Variants in AFDN observed in about 807,000 individuals in gnomAD.
AFDN encodes the protein afadin, adherens junction formation factor, also known as afadin.
AFDN carries 68 observed loss-of-function variants against 216.6 expected under a neutral mutation model. The ratio of observed to expected loss-of-function variants is 0.31; its 90% CI spans 0.26 to 0.38. The LOEUF is 0.38. AFDN is among the 10% of genes least tolerant of loss of function. The pLI is 1.00. For missense variants in AFDN, 2,136 were observed against 2,342.0 expected (o/e 0.91, Z 1.82); for synonymous variants, 868 against 853.7 (o/e 1.02, Z -0.29).
Position 167,827,025 on chromosome 6 carries a change from A to T in AFDN, c.-108A>T. The T allele has an allele frequency of 3.0e-6, 1 of 332,812 alleles. No homozygotes were observed. The highest frequency in any genetic ancestry group is 4.3e-6 in the Non-Finnish European group (1 of 235,146). 20.6% of individuals were successfully genotyped at this position (332,812 alleles called of 1,614,324 possible). On this transcript the variant is annotated 5_prime_UTR_variant, in exon 1 of 34. Transcript: ENST00000683244. The stretch of plus-strand genomic sequence containing the variant: ...GAGGCGGAGGCAGCCGCGGAGGCGG[A>T]GGCGGCCGGCGGGGGGTGGCGAGGG...
At chr6:167,909,264 TAAA>T (rs1425494422) in intron 13 of AFDN, among the ~76,000 whole-genome samples, 3 of 152,094 alleles carry the variant, frequency 2.0e-5, no homozygotes, top group Admixed American at 6.5e-5. Context: ...TATAATTTGA[TAAA>T]AAGAAGATTT....
In AFDN at chr6:167,918,812, G is replaced by C. The variant is rs770324614; in HGVS notation, c.2787G>C (p.Gln929His). 1 of 1,613,106 alleles carries C rather than the reference G, an allele frequency of 6.2e-7. No individual in the cohort carries two copies. Among genetic ancestry groups the C allele is most frequent in the Non-Finnish European group, 8.5e-7 (1 of 1,179,376 alleles). The stretch of plus-strand genomic sequence containing the variant: ...CCCGCAGTGATGGAAGGGAAGTGCA[G>C]TTGGAGGAGGATCCTGATCTGCAGC... ...ELARSDGREVQLEEDPDLQLP... is the reference protein window; with the variant it reads ...ELARSDGREVHLEEDPDLQLP... The change falls in exon 21 of 34, where the codon CAG becomes CAC. Residue 929 changes from glutamine (Q) to histidine (H), a missense_variant. By Grantham distance (24) the Gln-to-His change is conservative. Around this residue, in one of 8 missense-constraint regions of AFDN, gnomAD observed 162 missense variants for 182.6 expected, o/e 0.89. Transcript: ENST00000683244.
At position 167,962,870 on chromosome 6, in the gene AFDN, TTACTG is replaced by T. The variant is rs1797177873; in HGVS notation, c.4968+304_4968+308del. 6.6e-6 allele frequency: 8 copies of T among 1,209,136 alleles called. No individual in the cohort carries two copies. Among genetic ancestry groups the T allele is most frequent in the African/African-American group, 1.5e-5 (1 of 67,106 alleles). The allele number at this position is 1,209,136 out of a possible 1,614,324, so 74.9% of individuals were successfully genotyped here. On this transcript the variant is annotated intron_variant, in intron 31 of 33. Coordinates refer to ENST00000683244, the MANE Select transcript of AFDN (RefSeq NM_001386888.1). The surrounding 1 kb of genome is among the most constrained non-coding windows in gnomAD (Gnocchi z 5.2). The stretch of plus-strand genomic sequence containing the variant: ...GGTTCGTTTCCTCGGGCACTCATCT[TTACTG>T]AACATGGCCCAGCTTGTCATTGTGA...
chr6:167,911,876 C>A, intron 15 of AFDN: 1 of 239,208 alleles, frequency 4.2e-6, no homozygotes, highest in Non-Finnish European at 8.3e-6. Context: ...AGCCACCACC[C>A]CTGTCGGTTC....
At chr6:167,872,488 C>T in intron 4 of AFDN, 111 bp downstream of exon 4, 2 of 1,209,242 alleles carry the variant, frequency 1.7e-6, no homozygotes, top group Admixed American at 4.3e-5. Context: ...GAGTATCAGT[C>T]AGGAAATGTG....
At chr6:167,832,265 G>C (rs1411583382) in intron 1 of AFDN, among the ~76,000 whole-genome samples, 1 of 152,270 alleles carries the variant, frequency 6.6e-6, no homozygotes, top group East Asian at 1.9e-4. Flanking sequence ...TGCTGATAGG[G>C]CCTGAAAAAT....
intron 1 of AFDN, among the ~76,000 whole-genome samples, chr6:167,829,775 C>T (rs1400548200): frequency 6.6e-6 from 1 of 151,944 alleles, no homozygotes; most frequent in Non-Finnish European, 1.5e-5. Flanking sequence ...TTGATAACCA[C>T]TGATAATTTT....
chr6:167,868,871 T>A (rs896314188), intron 2 of AFDN, among the ~76,000 whole-genome samples: 1 of 150,764 alleles, frequency 6.6e-6, no homozygotes, highest in African/African-American at 2.4e-5. Flanking sequence ...CAAGTGATTC[T>A]CCCCCCTCAG....
intron 5 of AFDN, 102 bp from the exon 6 acceptor site, chr6:167,880,258 C>T (rs969772972): frequency 1.9e-6 from 2 of 1,056,186 alleles, no homozygotes; most frequent in Admixed American, 2.2e-5. Flanking sequence ...CTCATTTTAG[C>T]TAGAATGCAG....
In AFDN at chr6:167,951,195, C is replaced by T. The variant is rs768477295; in HGVS notation, c.3841C>T (p.Arg1281Cys). 2 of 1,553,232 alleles carry T rather than the reference C, an allele frequency of 1.3e-6. No individual in the cohort carries two copies. Among genetic ancestry groups the T allele is most frequent in the East Asian group, 2.3e-5 (1 of 44,354 alleles). Residue 1281 changes from arginine to cysteine, a missense_variant, in exon 30 of 34, where the codon CGT becomes TGT. This residue lies in a region of AFDN where 981 missense variants were observed against 966.0 expected (regional missense o/e 1.02). Transcript: ENST00000683244. This position sits in a 1 kb window ranked among gnomAD's most constrained non-coding sequence, Gnocchi z 7.1. ...CTTTTTCTTTTTGCAGCGTGTTACACGTTCCCAAGAAGAACTTCGAGAAGA... is the reference window on the plus strand; with the variant it reads ...CTTTTTCTTTTTGCAGCGTGTTACATGTTCCCAAGAAGAACTTCGAGAAGA... ...HSSIAIQRVT[R>C]SQEELREDKA... is the part of the protein sequence containing the mutation.
intron 1 of AFDN, among the ~76,000 whole-genome samples, chr6:167,832,803 C>G (rs776894938): frequency 1.3e-5 from 2 of 152,194 alleles, no homozygotes; most frequent in African/African-American, 4.8e-5. Context: ...AATTGTATGG[C>G]TTACAGAAAA....
intron 25 of AFDN, 128 bp downstream of exon 25, chr6:167,943,603 T>A (rs960979593): frequency 5.8e-6 from 4 of 689,410 alleles, no homozygotes; most frequent in Non-Finnish European, 1.0e-5. Context: ...TTTTATAGTG[T>A]ACGTGACATT....
At chr6:167,916,039 C>G (rs1791015303) in intron 19 of AFDN, among the ~76,000 whole-genome samples, 1 of 152,178 alleles carries the variant, frequency 6.6e-6, no homozygotes, top group South Asian at 2.1e-4. Flanking sequence ...CTCCACAGCC[C>G]TGGAGGCCAG....
At chr6:167,921,892 A>G (rs1337638705) in intron 21 of AFDN, among the ~76,000 whole-genome samples, 1 of 152,198 alleles carries the variant, frequency 6.6e-6, no homozygotes, top group Admixed American at 6.5e-5. Flanking sequence ...CCTACCATAA[A>G]TAACCTAATT....
intron 30 of AFDN, among the ~76,000 whole-genome samples, chr6:167,958,006 C>CAGTACA: frequency 6.6e-6 from 1 of 152,294 alleles, no homozygotes; most frequent in South Asian, 2.1e-4. Flanking sequence ...GAGACTTTGC[C>CAGTACA]AGTACATGTT....
intron 4 of AFDN, among the ~76,000 whole-genome samples, chr6:167,874,231 CAAAAT>C (rs1202019404): frequency 6.6e-6 from 1 of 152,132 alleles, no homozygotes; most frequent in Non-Finnish European, 1.5e-5. Context: ...GACCCTGTCT[CAAAAT>C]AAACCAAAAC....
intron 1 of AFDN, among the ~76,000 whole-genome samples, chr6:167,863,106 C>T (rs1339394345): frequency 6.6e-6 from 1 of 152,138 alleles, no homozygotes; most frequent in Non-Finnish European, 1.5e-5. Flanking sequence ...AACTTGAAAA[C>T]CTGAAATATG....
chr6:167,935,156 C>T (rs1024043897), intron 23 of AFDN, among the ~76,000 whole-genome samples: 5 of 152,162 alleles, frequency 3.3e-5, no homozygotes, highest in Non-Finnish European at 7.4e-5. Context: ...TCCTCTCCCT[C>T]GTTAGTCCCA....
At chr6:167,866,006 A>G (rs1016169405) in intron 2 of AFDN, among the ~76,000 whole-genome samples, 10 of 152,194 alleles carry the variant, frequency 6.6e-5, no homozygotes, top group Non-Finnish European at 8.8e-5. Flanking sequence ...AAATTTAACA[A>G]TAGAGGGTGT....
Sources: allele counts gnomAD v4.1 joint callset (sites outside exome capture counted in the v4.1 genomes callset), GRCh38; gene constraint gnomAD v4.1.1; regional missense constraint gnomAD v4.1.1; non-coding constraint Gnocchi (gnomAD v3.1); transcripts MANE v1.5; gene names NCBI Gene and HGNC (gene_info 2026-07-23, HGNC 2026-07-21).